The following PIAS2 variants were observed in gnomAD, a reference collection of about 807,000 sequenced individuals.
The protein encoded by PIAS2 is protein inhibitor of activated STAT 2, also known as E3 SUMO-protein ligase PIAS2.
Under a neutral mutation model 69.7 loss-of-function variants are expected in PIAS2, and 19 were observed. The observed-to-expected ratio is 0.27, with a 90% CI of 0.19 to 0.40. The LOEUF is 0.40. PIAS2 is among the 10% of genes least tolerant of loss of function. PIAS2 has a pLI of 1.00. For synonymous variants in PIAS2, 261 were observed against 263.2 expected, an observed-to-expected ratio of 0.99 and a Z score of 0.08; for missense variants, 624 against 757.0, an observed-to-expected ratio of 0.82 and a Z score of 2.06.
At chr18:46,909,396 G>A (rs2057003343) in intron 1 of PIAS2, among the ~76,000 whole-genome samples, 1 of 152,084 alleles carries the variant, frequency 6.6e-6, no homozygotes, top group South Asian at 2.1e-4. Flanking sequence ...ACAGGTGTGG[G>A]CCACTATGCC....
intron 3 of PIAS2, among the ~76,000 whole-genome samples, chr18:46,856,164 C>T (rs1173290892): frequency 6.6e-6 from 1 of 151,684 alleles, no homozygotes; most frequent in African/African-American, 2.4e-5. Context: ...CGCCACCACG[C>T]CCGGCTAATT....
At chr18:46,847,482 A>ATT (rs536478394) in intron 5 of PIAS2, among the ~76,000 whole-genome samples, 27 of 138,464 alleles carry the variant, frequency 1.9e-4, no homozygotes, top group Non-Finnish European at 2.7e-4. Flanking sequence ...CATCAACCGT[A>ATT]TTTTTTTTTT....
intron 1 of PIAS2, among the ~76,000 whole-genome samples, chr18:46,914,849 G>A (rs1175001977): frequency 6.6e-6 from 1 of 151,982 alleles, no homozygotes; most frequent in African/African-American, 2.4e-5. Flanking sequence ...AATTTTTCCT[G>A]GTCCTATAAT....
At chr18:46,829,081 G>C (rs1386495811) in intron 10 of PIAS2, among the ~76,000 whole-genome samples, 2 of 152,136 alleles carry the variant, frequency 1.3e-5, no homozygotes, top group East Asian at 1.9e-4. Flanking sequence ...TGAGTAGACT[G>C]TTAGATAAAA....
chr18:46,908,958 G>A (rs2056950605), intron 1 of PIAS2, among the ~76,000 whole-genome samples: 1 of 152,122 alleles, frequency 6.6e-6, no homozygotes, highest in Non-Finnish European at 1.5e-5. Flanking sequence ...GCAGTAAACT[G>A]AGATCACGCC....
Position 46,917,396 on chromosome 18 carries a change from T to C in PIAS2, c.-51A>G. ...CCGCTGCCGCCGCACCCACTCCCGC[T>C]GCCGCCAACGACGCTGCCGCCACCA... On this transcript the variant is annotated 5_prime_UTR_variant, in exon 1 of 14. Coordinates refer to ENST00000585916, the MANE Select transcript of PIAS2 (RefSeq NM_004671.5). The C allele has an allele frequency of 1.4e-6, 2 of 1,433,076 alleles. No individual in the cohort carries two copies. The highest frequency in any genetic ancestry group is 1.8e-6 in the Non-Finnish European group (2 of 1,085,854). The allele number at this position is 1,433,076 out of a possible 1,614,324, so 88.8% of individuals were successfully genotyped here.
At chr18:46,825,911 C>G (rs1212707452) in intron 11 of PIAS2, among the ~76,000 whole-genome samples, 1 of 152,186 alleles carries the variant, frequency 6.6e-6, no homozygotes, top group Non-Finnish European at 1.5e-5. Context: ...GGGATAAACT[C>G]TAGTTGGTCA....
chr18:46,911,777 G>C (rs2057292646), intron 1 of PIAS2, among the ~76,000 whole-genome samples: 1 of 152,226 alleles, frequency 6.6e-6, no homozygotes, highest in African/African-American at 2.4e-5. Context: ...CGGGCTCAGC[G>C]GCTCATGCCT....
chr18:46,864,670 G>A lies in PIAS2; in HGVS notation c.500-422C>T, dbSNP rs534771414. Among the ~76,000 whole-genome samples the A allele has an allele frequency of 1.6e-4, 24 of 151,680 alleles. 1 individual carries two copies. The South Asian group carries it at 3.7e-3, about 24-fold the overall frequency. ...CTGTAATGCCAGCTACATGGGAGGC[G>A]GAGGCAGGAGAATCACTTGAACCCA... On this transcript the variant is annotated intron_variant, in intron 2 of 13. Transcript: ENST00000585916.
chr18:46,835,589 G>A (rs2044310445), intron 9 of PIAS2, among the ~76,000 whole-genome samples: 1 of 152,064 alleles, frequency 6.6e-6, no homozygotes, highest in African/African-American at 2.4e-5. Flanking sequence ...ACAGTGCCTG[G>A]CTTAAAACAT....
chr18:46,871,501 G>GA (rs1307701054), intron 2 of PIAS2, among the ~76,000 whole-genome samples: 1 of 152,206 alleles, frequency 6.6e-6, no homozygotes, highest in Non-Finnish European at 1.5e-5. Context: ...TTTTAAGAGA[G>GA]AATGTCCTGA....
intron 1 of PIAS2, among the ~76,000 whole-genome samples, chr18:46,897,779 C>T (rs1011058005): frequency 6.6e-6 from 1 of 152,044 alleles, no homozygotes; most frequent in African/African-American, 2.4e-5. Context: ...AAATGAAACA[C>T]TAAATCACAA....
Position 46,807,021 on chromosome 18 carries a change from A to G in PIAS2, c.*5412T>C, listed in dbSNP as rs2040719086. The stretch of plus-strand genomic sequence containing the variant: ...CCTTATTGGAAACATAAGGGAATAT[A>G]AAGTGAAAACAGGCAATGTTTGCCT... On this transcript the variant is annotated 3_prime_UTR_variant, in exon 14 of 14. Coordinates refer to ENST00000585916, the MANE Select transcript of PIAS2 (RefSeq NM_004671.5). The G allele has an allele frequency of 6.6e-6, 1 of 151,936 alleles. No individual in the cohort carries two copies. The allele number at this position is 151,936 out of a possible 1,614,324, so 9.4% of individuals were successfully genotyped here.
intron 11 of PIAS2, among the ~76,000 whole-genome samples, chr18:46,826,077 G>C (rs761846782): frequency 1.7e-4 from 26 of 152,292 alleles, no homozygotes; most frequent in Non-Finnish European, 3.1e-4. Flanking sequence ...CAGCTTCATG[G>C]AACGAACTAG....
intron 1 of PIAS2, among the ~76,000 whole-genome samples, chr18:46,911,359 G>A (rs944789324): frequency 6.6e-6 from 1 of 151,938 alleles, no homozygotes; most frequent in Non-Finnish European, 1.5e-5. Context: ...GGGATTACAG[G>A]TGCCCACCAC....
chr18:46,836,228 A>G, intron 9 of PIAS2, 129 bp downstream of exon 9: 2 of 725,182 alleles, frequency 2.8e-6, no homozygotes, highest in Non-Finnish European at 4.7e-6. Context: ...GACGGAAAAC[A>G]TACAAACATC....
chr18:46,848,018 G>GCA (rs1210966910), intron 5 of PIAS2, among the ~76,000 whole-genome samples: 1 of 152,126 alleles, frequency 6.6e-6, no homozygotes, highest in Non-Finnish European at 1.5e-5. Context: ...AAAATACTAT[G>GCA]TATATATGGC....
intron 3 of PIAS2, among the ~76,000 whole-genome samples, chr18:46,861,375 C>A (rs1208133065): frequency 6.6e-6 from 1 of 152,102 alleles, no homozygotes; most frequent in African/African-American, 2.4e-5. Flanking sequence ...CTAAAGTAAC[C>A]ACTAAAGCCA....
At chr18:46,913,203 AT>A (rs1284280892) in intron 1 of PIAS2, among the ~76,000 whole-genome samples, 3 of 152,092 alleles carry the variant, frequency 2.0e-5, no homozygotes, top group Admixed American at 2.0e-4. Flanking sequence ...TTAACTTCCC[AT>A]TCTCCTGCTG....
Sources: allele counts gnomAD v4.1 joint callset (sites outside exome capture counted in the v4.1 genomes callset), GRCh38; gene constraint gnomAD v4.1.1; transcripts MANE v1.5; gene names NCBI Gene and HGNC (gene_info 2026-07-23, HGNC 2026-07-21).